Variants in C16orf96 observed in about 807,000 individuals in gnomAD.
The protein encoded by C16orf96 is chromosome 16 open reading frame 96.
C16orf96 carries 108 observed loss-of-function variants against 103.6 expected under a neutral mutation model. The ratio of observed to expected loss-of-function variants is 1.04; its 90% confidence interval spans 0.89 to 1.22. The LOEUF is 1.22. Among genes scored for constraint, C16orf96 ranks in the 50% most tolerant of loss-of-function variants. The pLI, the probability that C16orf96 is intolerant of heterozygous loss-of-function variation, is 0.00. For synonymous variants in C16orf96, 566 were observed against 593.5 expected (o/e 0.95, Z 0.67); for missense variants, 1,586 against 1,464.2 (o/e 1.08, Z -1.36).
rs778874139 is a variant in C16orf96, at chr16:4,576,476, GC to G, written c.1998del (p.Met667TrpfsTer8). The G allele has an allele frequency of 2.6e-6, 4 of 1,551,452 alleles. No homozygotes were observed. In the South Asian group the frequency reaches 4.8e-5, roughly 18 times the overall value. ...SIGPDPALSQ[A>X]MVATKQAMSP... ...CGGTCCCGATCCAGCCCTGTCCCAGGCCATGGTGGCTACCAAGCAGGCCATG... is the reference window on the plus strand; with the variant it reads ...CGGTCCCGATCCAGCCCTGTCCCAGGCATGGTGGCTACCAAGCAGGCCATG... On this transcript the variant is annotated frameshift_variant, in exon 5 of 16. Transcript: ENST00000444310. LOFTEE classifies it high-confidence loss of function.
intron 14 of C16orf96, among the ~76,000 whole-genome samples, chr16:4,595,622 C>T (rs1304776231): frequency 6.6e-6 from 1 of 152,214 alleles, no homozygotes; most frequent in Non-Finnish European, 1.5e-5. Context: ...ACACGCCGCC[C>T]CATAAGGAGC....
chr16:4,596,117 G>C (rs992095366), intron 14 of C16orf96, among the ~76,000 whole-genome samples: 1 of 152,112 alleles, frequency 6.6e-6, no homozygotes, highest in African/African-American at 2.4e-5. Flanking sequence ...CGTCTCCTGG[G>C]GTTGCCGAGA....
chr16:4,572,306 C>CTTTTTTTTTTTTT (rs3992632), intron 2 of C16orf96, among the ~76,000 whole-genome samples: 1 of 131,706 alleles, frequency 7.6e-6, no homozygotes, highest in Admixed American at 8.6e-5. Flanking sequence ...ACTTATATTT[C>CTTTTTTTTTTTTT]TTTTTTTTTT....
rs1217086819 is a variant in C16orf96, at chr16:4,588,165, A to C, written c.2428-2A>C. The C allele has an allele frequency of 6.4e-7, 1 of 1,550,614 alleles. No homozygotes were observed. Among genetic ancestry groups the C allele is most frequent in the South Asian group, 1.2e-5 (1 of 83,998 alleles). ...GCCTCCCTGAACTCCCTGTCTCCCT[A>C]GAAAGCTGACAGGAGTGCCCTGGCA... On this transcript the variant is annotated splice_acceptor_variant, in intron 8 of 15. Transcript: ENST00000444310. LOFTEE classifies it high-confidence loss of function.
chr16:4,577,209 A>C (rs1334374518), intron 5 of C16orf96, among the ~76,000 whole-genome samples: 3 of 152,046 alleles, frequency 2.0e-5, no homozygotes, highest in Middle Eastern at 3.4e-3. Flanking sequence ...ACAACAACAA[A>C]AAAAACTCCT....
At chr16:4,590,576 A>T (rs1897033073) in intron 9 of C16orf96, among the ~76,000 whole-genome samples, 1 of 147,630 alleles carries the variant, frequency 6.8e-6, no homozygotes, top group South Asian at 2.2e-4. Flanking sequence ...AAATAAATAA[A>T]TAAATAAAAT....
At chr16:4,567,380 T>C (rs1232521175) in intron 1 of C16orf96, among the ~76,000 whole-genome samples, 1 of 150,114 alleles carries the variant, frequency 6.7e-6, no homozygotes, top group Non-Finnish European at 1.5e-5. Context: ...GACTCCTGGG[T>C]TCACGCCATT....
At chr16:4,588,527 G>A (rs772674114) in intron 9 of C16orf96, among the ~76,000 whole-genome samples, 196 bp downstream of exon 9, 8 of 152,206 alleles carry the variant, frequency 5.3e-5, no homozygotes, top group Non-Finnish European at 1.0e-4. Flanking sequence ...CTGAAGGCTC[G>A]AATGAGGCTG....
intron 1 of C16orf96, among the ~76,000 whole-genome samples, chr16:4,557,832 G>C (rs1340688680): frequency 6.6e-6 from 1 of 152,068 alleles, no homozygotes; most frequent in African/African-American, 2.4e-5. Flanking sequence ...ACTGCACCTG[G>C]CTAATTTTTG....
chr16:4,547,487 A>G, the C16orf96 span, among the ~76,000 whole-genome samples: 1 of 148,724 alleles, frequency 6.7e-6, no homozygotes, highest in Non-Finnish European at 1.5e-5. Flanking sequence ...AGGCAAACCC[A>G]TAGAGACAGA....
rs58065868 is a variant in C16orf96, at chr16:4,581,141, CATATATATATATATATATATATAT to C, written c.2352+1036_2352+1059del. Among the ~76,000 whole-genome samples the C allele has an allele frequency of 1.9e-3, 90 of 46,754 alleles. 2 individuals are homozygous for C. Among genetic ancestry groups the C allele is most frequent in the African/African-American group, 3.5e-3 (62 of 17,468 alleles). 30.7% of individuals were successfully genotyped at this position (46,754 alleles called of 152,430 possible). A position where few individuals can be genotyped will look rare whatever the true frequency, so the allele number is the denominator to read the frequency against. Reference sequence around the variant, plus strand: ...CTCTGTCTAAAAATATATATGTATACATATATATATATATATATATATATATATATATATATATATATAATTAGC... The same window carrying C: ...CTCTGTCTAAAAATATATATGTATACATATATATATATATATATAATTAGC... On this transcript the variant is annotated intron_variant, in intron 7 of 15. Transcript: ENST00000444310.
chr16:4,562,162 G>A (rs531325877), intron 1 of C16orf96, among the ~76,000 whole-genome samples: 215 of 152,250 alleles, frequency 1.4e-3, no homozygotes, highest in African/African-American at 4.9e-3. Context: ...TGGGGAATCA[G>A]TTCTTTCTAC....
rs1393079046 is a variant in C16orf96, at chr16:4,600,122, C to G, written c.3231C>G (p.Ala1077=). 1 of 1,551,776 alleles carries G rather than the reference C, an allele frequency of 6.4e-7. No individual in the cohort carries two copies. Among genetic ancestry groups the G allele is most frequent in the East Asian group, 2.4e-5 (1 of 40,922 alleles). ...ICPPLCPRSS[A]CSAASGPHLT... ...CAGCCCTGTGCCCCCGCTCCAGTGC[C>G]TGCTCAGCTGCCTCGGGCCCTCACC... The change falls in exon 16 of 16, where the codon GCC becomes GCG. Residue 1077 remains alanine, a synonymous_variant. Coordinates refer to ENST00000444310, the MANE Select transcript of C16orf96 (RefSeq NM_001145011.2).
rs902872626 is a variant in C16orf96, at chr16:4,587,170, C to A, written c.2427+57C>A. On this transcript the variant is annotated intron_variant, in intron 8 of 15. Transcript: ENST00000444310. The stretch of plus-strand genomic sequence containing the variant: ...GCTCCCCTACCCAGGGAAACGGCAC[C>A]ATCCAGGCAAAGCCCACCAAAGAGT... The A allele has an allele frequency of 4.8e-6, 7 of 1,452,788 alleles. No individual in the cohort carries two copies. In the South Asian group the frequency reaches 8.5e-5, roughly 18 times the overall value. 90.0% of individuals were successfully genotyped at this position (1,452,788 alleles called of 1,614,324 possible).
rs574825359 is a variant in C16orf96 at position 4,580,121 on chromosome 16, T to A, written c.2348T>A (p.Phe783Tyr). The A allele has an allele frequency of 2.6e-6, 4 of 1,527,086 alleles. No individual in the cohort carries two copies. The Admixed American group carries it at 8.1e-5, about 31-fold the overall frequency. The allele number at this position is 1,527,086 out of a possible 1,614,324, so 94.6% of individuals were successfully genotyped here. A position where few individuals can be genotyped will look rare whatever the true frequency, so the allele number is the denominator to read the frequency against. Residue 783 changes from phenylalanine (F) to tyrosine (Y), a missense_variant, in exon 7 of 16, where the codon TTC becomes TAC. Physicochemically the swap from Phe to Tyr is conservative, Grantham distance 22. Coordinates refer to ENST00000444310, the MANE Select transcript of C16orf96 (RefSeq NM_001145011.2). ...VENLQIRMDE[F>Y]KTLQAQIKRL... is the part of the protein sequence containing the mutation. ...AACCTGCAGATTCGCATGGATGAGTTCAAGGTTAGGAGGACTGGGTAGGCT... is the reference window on the plus strand; with the variant it reads ...AACCTGCAGATTCGCATGGATGAGTACAAGGTTAGGAGGACTGGGTAGGCT...
At chr16:4,595,890 G>C (rs748289807) in intron 14 of C16orf96, among the ~76,000 whole-genome samples, 3 of 151,826 alleles carry the variant, frequency 2.0e-5, no homozygotes, top group African/African-American at 4.8e-5. Context: ...GTATTTTTTA[G>C]TAGAGACGGG....
chr16:4,539,306 C>G, the C16orf96 span, among the ~76,000 whole-genome samples: 1 of 152,200 alleles, frequency 6.6e-6, no homozygotes, highest in South Asian at 2.1e-4. Flanking sequence ...AGATAGTTAA[C>G]AGCCCTTTCC....
At position 4,576,297 on chromosome 16, in the gene C16orf96, C is replaced by A. The variant is rs2059507990; in HGVS notation, c.1817C>A (p.Ala606Asp). 6.4e-7 allele frequency: 1 copy of A among 1,550,818 alleles called. No individual in the cohort carries two copies. Among genetic ancestry groups the A allele is most frequent in the East Asian group, 2.4e-5 (1 of 40,926 alleles). ...VKDAPATKMA[A>D]IATDTAAAGP... ...GATGCCCCAGCCACCAAAATGGCCG[C>A]CATTGCAACAGACACGGCTGCAGCT... is the stretch of plus-strand genomic sequence containing the variant. The change falls in exon 5 of 16, where the codon GCC becomes GAC. Residue 606 changes from alanine (A) to aspartate (D), a missense_variant. By Grantham distance (126) the Ala-to-Asp change is moderately radical (BLOSUM62 -2). Transcript: ENST00000444310.
rs1567134262 is a variant in C16orf96 at position 4,594,457 on chromosome 16, A to G, written c.2974A>G (p.Asn992Asp). Reference sequence around the variant, plus strand: ...CACCAGCCTCAAGTGCAAGTCCTGCAACCTGTTGACGCTCTATCCCTACGG... The same window carrying G: ...CACCAGCCTCAAGTGCAAGTCCTGCGACCTGTTGACGCTCTATCCCTACGG... ...NATSLKCKSCNLLTLYPYGDP... is the reference protein window; with the variant it reads ...NATSLKCKSCDLLTLYPYGDP... The change falls in exon 13 of 16, where the codon AAC becomes GAC. Residue 992 changes from asparagine (N) to aspartate (D), a missense_variant. Coordinates refer to ENST00000444310, the MANE Select transcript of C16orf96 (RefSeq NM_001145011.2). 1 of 1,551,432 alleles carries G rather than the reference A, an allele frequency of 6.4e-7. No individual in the cohort carries two copies. Among genetic ancestry groups the G allele is most frequent in the East Asian group, 2.4e-5 (1 of 40,928 alleles).
Sources: allele counts gnomAD v4.1 joint callset (sites outside exome capture counted in the v4.1 genomes callset), GRCh38; gene constraint gnomAD v4.1.1; transcripts MANE v1.5; gene names NCBI Gene and HGNC (gene_info 2026-07-23, HGNC 2026-07-21).